Variants in GPHB5 observed in about 807,000 individuals in gnomAD.
GPHB5 encodes the protein glycoprotein hormone beta-5.
Under a neutral mutation model 10.1 loss-of-function variants are expected in GPHB5, and 7 were observed. That is an observed-to-expected ratio of 0.69 (90% CI 0.39 to 1.30). GPHB5 has a LOEUF of 1.30. Ranked by LOEUF, GPHB5 falls within the 50% of genes most tolerant of loss-of-function variation. GPHB5 has a pLI of 0.01. For missense variants in GPHB5, 161 were observed against 169.8 expected (o/e 0.95, Z 0.29); for synonymous variants, 68 against 70.1 (o/e 0.97, Z 0.15).
At chr14:63,313,679 C>A (rs1882715486) in intron 2 of GPHB5, among the ~76,000 whole-genome samples, 1 of 152,146 alleles carries the variant, frequency 6.6e-6, no homozygotes, top group Admixed American at 6.5e-5. Flanking sequence ...CAGGAACAGC[C>A]CCAGCTCAGG....
chr14:63,313,292 C>G (rs1015398633), intron 2 of GPHB5, among the ~76,000 whole-genome samples, 176 bp from the exon 3 acceptor site: 14 of 152,182 alleles, frequency 9.2e-5, no homozygotes, highest in African/African-American at 3.4e-4. Flanking sequence ...TCACTCAAGA[C>G]CATATTCTAA....
Position 63,313,018 on chromosome 14 carries a change from C to A in GPHB5, c.303G>T (p.Pro101=). The A allele has an allele frequency of 6.3e-7, 1 of 1,593,622 alleles. No individual in the cohort carries two copies. Among genetic ancestry groups the A allele is most frequent in the Non-Finnish European group, 8.5e-7 (1 of 1,169,702 alleles). The change falls in exon 3 of 3, where the codon CCG becomes CCT. Residue 101 remains proline, a synonymous_variant. Coordinates refer to ENST00000621500, the MANE Select transcript of GPHB5 (RefSeq NM_145171.4). The part of the protein sequence containing the change: ...QVTVKLPNCA[P]GVDPFYTYPV... ...GATAGGTGTAGAAGGGGTCGACTCC[C>A]GGGGCACAGTTGGGCAGCTTGACAG...
chr14:63,315,126 A>T (rs555588930), intron 2 of GPHB5, among the ~76,000 whole-genome samples: 1 of 152,060 alleles, frequency 6.6e-6, no homozygotes, highest in South Asian at 2.1e-4. Context: ...AAAACTGGCC[A>T]GGCTGGTCTC....
Position 63,312,969 on chromosome 14 carries a change from C to T in GPHB5, c.352G>A (p.Gly118Arg), listed in dbSNP as rs745784962. The change falls in exon 3 of 3, where the codon GGA (glycine) becomes AGA (arginine). Residue 118 changes from glycine to arginine, a missense_variant. Physicochemically the swap from Gly to Arg is moderately radical, Grantham distance 125. Transcript: ENST00000621500. ...TCCGTGGTGGCAGTGGAGCAGGCTC[C>T]GCAGTCACAGCGGATGGCCACGGGA... The part of the protein sequence containing the change: ...TYPVAIRCDC[G>R]ACSTATTECE... 5.1e-6 allele frequency: 8 copies of T among 1,556,772 alleles called. No individual in the cohort carries two copies. The highest frequency in any genetic ancestry group is 2.4e-5 in the East Asian group (1 of 41,474).
At position 63,312,842 on chromosome 14, in the gene GPHB5, G is replaced by C. The variant is rs1882692136; in HGVS notation, c.*86C>G. 3.1e-6 allele frequency: 4 copies of C among 1,275,578 alleles called. No homozygotes were observed. The highest frequency in any genetic ancestry group is 4.2e-6 in the Non-Finnish European group (4 of 946,574). 79.0% of individuals were successfully genotyped at this position (1,275,578 alleles called of 1,614,324 possible). On this transcript the variant is annotated 3_prime_UTR_variant, in exon 3 of 3. Transcript: ENST00000621500. Reference sequence around the variant, plus strand: ...GACAGGTAACCTCCTCCATGGGTGTGGTCGAAATTAAACAGTCTTGCATCC... The same window carrying C: ...GACAGGTAACCTCCTCCATGGGTGTCGTCGAAATTAAACAGTCTTGCATCC...
chr14:63,315,547 T>TTTGC lies in GPHB5; in HGVS notation c.204+2095_204+2098dup, dbSNP rs113556617. On this transcript the variant is annotated intron_variant, in intron 2 of 2. Coordinates refer to ENST00000621500, the MANE Select transcript of GPHB5 (RefSeq NM_145171.4). ...TTTATTTTGTTTGTCTGTTTGTTTG[T>TTTGC]TTGCTAAATCTGGCAACTCTATACC... Among the ~76,000 whole-genome samples, 98 of 152,300 alleles carry TTTGC rather than the reference T, an allele frequency of 6.4e-4. 3 individuals carry two copies. The highest frequency in any genetic ancestry group is 2.3e-3 in the African/African-American group (95 of 41,562).
At chr14:63,314,043 C>CAATGAAAG (rs1882724532) in intron 2 of GPHB5, among the ~76,000 whole-genome samples, 1 of 152,162 alleles carries the variant, frequency 6.6e-6, no homozygotes, top group Admixed American at 6.5e-5. Context: ...GTCATTGAAT[C>CAATGAAAG]AATGAAAGAA....
At position 63,313,848 on chromosome 14, in the gene GPHB5, C is replaced by T. The variant is rs539485312; in HGVS notation, c.205-732G>A. Among the ~76,000 whole-genome samples, 18 of 152,270 alleles carry T rather than the reference C, an allele frequency of 1.2e-4. 1 individual carries two copies. The South Asian group carries it at 3.7e-3, about 32-fold the overall frequency. On this transcript the variant is annotated intron_variant, in intron 2 of 2. Transcript: ENST00000621500. ...AACATTCCATCTCCATGCCCAGAAA[C>T]TTCCCATCCCCCATCTTGCTTTATT...
chr14:63,316,138 G>A (rs1231640921), intron 2 of GPHB5, among the ~76,000 whole-genome samples: 1 of 152,198 alleles, frequency 6.6e-6, no homozygotes. Flanking sequence ...ATTTTCATTG[G>A]GCTAGTAGGG....
At chr14:63,317,488 G>A (rs1366790977) in intron 2 of GPHB5, among the ~76,000 whole-genome samples, 158 bp downstream of exon 2, 1 of 152,186 alleles carries the variant, frequency 6.6e-6, no homozygotes, top group African/African-American at 2.4e-5. Context: ...ATCACTTTTG[G>A]AAGATGCCAA....
intron 2 of GPHB5, among the ~76,000 whole-genome samples, chr14:63,315,363 A>C (rs931168561): frequency 6.6e-6 from 1 of 152,234 alleles, no homozygotes; most frequent in Non-Finnish European, 1.5e-5. Context: ...TTTCAGATAC[A>C]TAATTTTTTA....
In GPHB5 at chr14:63,312,893, C is replaced by T. The variant is rs1478207580; in HGVS notation, c.*35G>A. 4 of 1,535,228 alleles carry T rather than the reference C, an allele frequency of 2.6e-6. No homozygotes were observed. Among genetic ancestry groups the T allele is most frequent in the Non-Finnish European group, 3.5e-6 (4 of 1,136,292 alleles). On this transcript the variant is annotated 3_prime_UTR_variant, in exon 3 of 3. Coordinates refer to ENST00000621500, the MANE Select transcript of GPHB5 (RefSeq NM_145171.4). ...AGGAAGTATAACTGCATGTGCTGCTCACACAGGTGGGTCTGCAGAGAGCAG... is the reference window on the plus strand; with the variant it reads ...AGGAAGTATAACTGCATGTGCTGCTTACACAGGTGGGTCTGCAGAGAGCAG...
chr14:63,317,759 G>A lies in GPHB5; in HGVS notation c.91C>T (p.Arg31Cys), dbSNP rs746503469. The A allele has an allele frequency of 1.4e-5, 23 of 1,613,912 alleles. No homozygotes were observed. The highest frequency in any genetic ancestry group is 6.7e-5 in the African/African-American group (5 of 74,922). The part of the protein sequence containing the change: ...CVLGASSGNL[R>C]TFVGCAVREF... ...CTCACGGCACAGCCCACAAAGGTGC[G>A]CAGGTTCCCACTGGAGGCACCGAGG... The change falls in exon 2 of 3, where the codon CGC becomes TGC. Residue 31 changes from arginine (R) to cysteine (C), a missense_variant. Transcript: ENST00000621500.
At chr14:63,313,597 C>T (rs1447311253) in intron 2 of GPHB5, among the ~76,000 whole-genome samples, 1 of 152,156 alleles carries the variant, frequency 6.6e-6, no homozygotes, top group Non-Finnish European at 1.5e-5. Flanking sequence ...TCTGAAATGC[C>T]TGCAACCATT....
chr14:63,313,066 G>A lies in GPHB5; in HGVS notation c.255C>T (p.Thr85=), dbSNP rs768349032. The A allele has an allele frequency of 1.2e-6, 2 of 1,607,522 alleles. No homozygotes were observed. The highest frequency in any genetic ancestry group is 2.2e-5 in the South Asian group (2 of 89,282). ...PYIEAHHRVC[T]YNETKQVTVK... ...CAGTCACCTGTTTGGTCTCGTTGTA[G>A]GTACAGACTCGATGATGGGCTTCAA... Residue 85 remains threonine (T), a synonymous_variant, in exon 3 of 3, where the codon ACC becomes ACT. Coordinates refer to ENST00000621500, the MANE Select transcript of GPHB5 (RefSeq NM_145171.4).
chr14:63,317,495 C>CCAAAA, intron 2 of GPHB5, 151 bp downstream of exon 2: 1 of 670,760 alleles, frequency 1.5e-6, no homozygotes, highest in East Asian at 2.7e-5. Context: ...TTGGAAGATG[C>CCAAAA]CAATCATAGT....
chr14:63,317,674 G>A lies in GPHB5; in HGVS notation c.176C>T (p.Ala59Val). Residue 59 changes from alanine to valine, a missense_variant, in exon 2 of 3, where the codon GCC becomes GTC. Physicochemically the swap from Ala to Val is moderately conservative, Grantham distance 64 (BLOSUM62 0). Transcript: ENST00000621500. ...GCRGLRITTD[A>V]CWGRCETWEK... ...CCAGGTCTCACAGCGACCCCAGCAGGCATCCGTGGTGATCCGAAGGCCCCT... is the reference window on the plus strand; with the variant it reads ...CCAGGTCTCACAGCGACCCCAGCAGACATCCGTGGTGATCCGAAGGCCCCT... 1 of 1,613,998 alleles carries A rather than the reference G, an allele frequency of 6.2e-7. No homozygotes were observed. The highest frequency in any genetic ancestry group is 8.5e-7 in the Non-Finnish European group (1 of 1,179,898).
intron 2 of GPHB5, 88 bp from the exon 3 acceptor site, chr14:63,313,204 A>T: frequency 2.6e-6 from 3 of 1,167,052 alleles, no homozygotes; most frequent in Non-Finnish European, 3.6e-6. Flanking sequence ...ATCAGAAATT[A>T]ACTTGTTATT....
chr14:63,313,994 T>A (rs1882721623), intron 2 of GPHB5, among the ~76,000 whole-genome samples: 1 of 152,176 alleles, frequency 6.6e-6, no homozygotes, highest in Non-Finnish European at 1.5e-5. Flanking sequence ...GTGCCTCAAG[T>A]ACCCAAAACA....
Sources: gnomAD v4.1 joint callset for allele counts (sites outside exome capture counted in the v4.1 genomes callset) on GRCh38, gnomAD v4.1.1 for gene constraint, MANE v1.5 for transcripts, NCBI Gene and HGNC (gene_info 2026-07-23, HGNC 2026-07-21) for gene names.